The following SLC25A48 variants were observed in gnomAD, a reference collection of about 807,000 sequenced individuals.
The protein encoded by SLC25A48 is CTC-321K16.1.
Under a neutral mutation model 32.2 loss-of-function variants are expected in SLC25A48, and 29 were observed. The observed-to-expected ratio is 0.90, with a 90% CI of 0.67 to 1.23. SLC25A48 has a LOEUF of 1.23. Among genes scored for constraint, SLC25A48 ranks in the 50% most tolerant of loss-of-function variants. The pLI is 0.00. For synonymous variants in SLC25A48, 164 were observed against 172.3 expected, an observed-to-expected ratio of 0.95 and a Z score of 0.38; for missense variants, 399 against 422.7, an observed-to-expected ratio of 0.94 and a Z score of 0.49.
At chr5:135,840,106 G>A (rs1424582337) in intron 1 of SLC25A48, among the ~76,000 whole-genome samples, 1 of 152,138 alleles carries the variant, frequency 6.6e-6, no homozygotes, top group East Asian at 1.9e-4. Context: ...GGTCTTTTGA[G>A]TGTGTGTGTG....
chr5:135,811,215 T>A (rs1319632617), intron 3 of SLC25A48, among the ~76,000 whole-genome samples: 1 of 152,124 alleles, frequency 6.6e-6, no homozygotes, highest in Non-Finnish European at 1.5e-5. Context: ...AGATTCTCCC[T>A]GGGAAGGAGG....
intron 1 of SLC25A48, among the ~76,000 whole-genome samples, chr5:135,623,120 A>G (rs977371921): frequency 5.9e-5 from 9 of 152,244 alleles, no homozygotes; most frequent in African/African-American, 2.2e-4. Flanking sequence ...ATGCTGCTCC[A>G]GCAAAGGGGG....
intron 7 of SLC25A48, among the ~76,000 whole-genome samples, chr5:135,881,640 T>C (rs1475842893): frequency 6.6e-6 from 1 of 152,250 alleles, no homozygotes. Context: ...TGTGCTCAGA[T>C]ATTGGCCATT....
chr5:135,887,087 A>G lies in SLC25A48; in HGVS notation c.*8-945A>G, dbSNP rs190461708. Among the ~76,000 whole-genome samples, 4 of 152,324 alleles carry G rather than the reference A, an allele frequency of 2.6e-5. No homozygotes were observed. In the East Asian group the frequency reaches 7.7e-4, roughly 29 times the overall value. On this transcript the variant is annotated intron_variant, in intron 7 of 7. Transcript: ENST00000681962. ...ATATATTTACCAACAATTACTGGAA[A>G]TTCAAACAGAATTTCAAAAATATTT...
At chr5:135,804,810 A>C (rs1757425833) in intron 3 of SLC25A48, among the ~76,000 whole-genome samples, 1 of 151,704 alleles carries the variant, frequency 6.6e-6, no homozygotes. Flanking sequence ...ATTACTTTTA[A>C]TGTCACAGTG....
intron 3 of SLC25A48, among the ~76,000 whole-genome samples, chr5:135,704,753 C>G (rs1038460795): frequency 2.6e-5 from 4 of 152,162 alleles, no homozygotes; most frequent in Admixed American, 2.6e-4. Context: ...CAGCATAACA[C>G]GTTAATAAGT....
At chr5:135,802,704 A>G (rs1273004466) in intron 3 of SLC25A48, among the ~76,000 whole-genome samples, 2 of 151,516 alleles carry the variant, frequency 1.3e-5, no homozygotes, top group South Asian at 2.1e-4. Context: ...AGAATACAGA[A>G]TCTGTGTACA....
chr5:135,598,013 ATCAAAC>A (rs1318629978), intron 1 of SLC25A48, among the ~76,000 whole-genome samples: 1 of 123,252 alleles, frequency 8.1e-6, no homozygotes, highest in Non-Finnish European at 1.8e-5. Flanking sequence ...TAAAAAAAAA[ATCAAAC>A]CAAAAAACAA....
At position 135,741,807 on chromosome 5, in the gene SLC25A48, GC is replaced by G. The variant is rs1270841990; in HGVS notation, c.-520-70715del. Among the ~76,000 whole-genome samples, 2 of 152,188 alleles carry G rather than the reference GC, an allele frequency of 1.3e-5. 1 individual carries two copies. Among genetic ancestry groups the G allele is most frequent in the Non-Finnish European group, 2.9e-5 (2 of 68,034 alleles). On this transcript the variant is annotated intron_variant, in intron 3 of 10. Transcript: ENST00000646290. ...CACAGGCCATAAAATCAGGAGATGG[GC>G]TGGATTTGGCCCACTGGCTATAGTT...
intron 3 of SLC25A48, among the ~76,000 whole-genome samples, chr5:135,784,648 C>T (rs1756793380): frequency 8.4e-6 from 1 of 118,596 alleles, no homozygotes; most frequent in African/African-American, 2.6e-5. Flanking sequence ...TATACCCACC[C>T]TGTGATATTG....
intron 5 of SLC25A48, 193 bp downstream of exon 5, chr5:135,871,911 T>C: frequency 1.4e-6 from 2 of 1,474,696 alleles, no homozygotes; most frequent in Non-Finnish European, 1.8e-6. Context: ...CCTATGCAGC[T>C]ATGAGAATGG....
chr5:135,634,820 T>C (rs1459234323), exon 3 of SLC25A48: 2 of 152,322 alleles, frequency 1.3e-5, no homozygotes, highest in South Asian at 4.2e-4. Flanking sequence ...TGTGCCACCG[T>C]GTTAAGAAGA....
intron 3 of SLC25A48, among the ~76,000 whole-genome samples, chr5:135,750,126 C>T (rs537969375): frequency 6.6e-6 from 1 of 152,304 alleles, no homozygotes. Flanking sequence ...GCAACTTTTT[C>T]TCAAGCCAGT....
chr5:135,879,727 C>T (rs1006824693), intron 6 of SLC25A48, among the ~76,000 whole-genome samples: 1 of 151,702 alleles, frequency 6.6e-6, no homozygotes, highest in Non-Finnish European at 1.5e-5. Context: ...AACAGCTTAC[C>T]TATAGTATTT....
At chr5:135,582,424 CA>C (rs1343196668) in intron 1 of SLC25A48, among the ~76,000 whole-genome samples, 2 of 152,030 alleles carry the variant, frequency 1.3e-5, no homozygotes, top group Non-Finnish European at 2.9e-5. Flanking sequence ...GGAGACTCAT[CA>C]GGGGATCTGA....
At chr5:135,873,997 A>T (rs1267163140) in intron 5 of SLC25A48, 24 bp from the exon 6 acceptor site, 4 of 1,524,348 alleles carry the variant, frequency 2.6e-6, no homozygotes, top group Non-Finnish European at 2.6e-6. Flanking sequence ...CTAGCCCCTG[A>T]CACCTGTTTC....
At chr5:135,771,317 C>T (rs1160908980) in intron 3 of SLC25A48, among the ~76,000 whole-genome samples, 1 of 151,598 alleles carries the variant, frequency 6.6e-6, no homozygotes, top group Non-Finnish European at 1.5e-5. Flanking sequence ...CTCTCCATAT[C>T]GCGGAGGGTG....
At chr5:135,885,546 C>T (rs920195369) in intron 7 of SLC25A48, among the ~76,000 whole-genome samples, 4 of 152,194 alleles carry the variant, frequency 2.6e-5, no homozygotes, top group Middle Eastern at 3.2e-3. Context: ...CTTCCACCAA[C>T]GTGACCCCTC....
At chr5:135,720,165 A>T (rs1313619909) in intron 3 of SLC25A48, among the ~76,000 whole-genome samples, 1 of 152,164 alleles carries the variant, frequency 6.6e-6, no homozygotes, top group Non-Finnish European at 1.5e-5. Context: ...ATGGGGTGGG[A>T]TTTCCCTCCA....
Sources: allele counts gnomAD v4.1 joint callset (sites outside exome capture counted in the v4.1 genomes callset), GRCh38; gene constraint gnomAD v4.1.1; transcripts MANE v1.5; gene names NCBI Gene and HGNC (gene_info 2026-07-23, HGNC 2026-07-21).